MYO6: variants seen among roughly 807,000 people sequenced by gnomAD.
MYO6 encodes myosin VI, also known as unconventional myosin-VI.
In MYO6, 74 loss-of-function variants were observed where a neutral mutation model predicts 178.7. The ratio of observed to expected loss-of-function variants is 0.41; its 90% CI spans 0.34 to 0.50. The LOEUF (loss-of-function observed/expected upper bound fraction) is 0.50. Among genes scored for constraint, MYO6 ranks in the 20% least tolerant of loss-of-function variants. MYO6 has a pLI of 0.09. For missense variants in MYO6, 1,330 were observed against 1,547.4 expected, an observed-to-expected ratio of 0.86 and a Z score of 2.36; for synonymous variants, 477 against 504.6, an observed-to-expected ratio of 0.95 and a Z score of 0.73.
chr6:75,914,756 G>T, intron 34 of MYO6, 57 bp from the exon 35 acceptor site: 1 of 1,522,682 alleles, frequency 6.6e-7, no homozygotes, highest in East Asian at 2.3e-5. Context: ...GCATACAACT[G>T]GTAAGAAATG....
intron 1 of MYO6, among the ~76,000 whole-genome samples, chr6:75,811,174 G>C (rs1770670048): frequency 6.6e-6 from 1 of 152,056 alleles, no homozygotes; most frequent in South Asian, 2.1e-4. Flanking sequence ...GTTGGTGTGA[G>C]GAAATCTCTC....
chr6:75,810,940 G>A (rs563995101), intron 1 of MYO6, among the ~76,000 whole-genome samples: 201 of 152,298 alleles, frequency 1.3e-3, no homozygotes, highest in African/African-American at 4.6e-3. Flanking sequence ...CCAGGAGTTC[G>A]AGGCTGCAGT....
At chr6:75,880,710 A>G (rs1425521799) in intron 22 of MYO6, among the ~76,000 whole-genome samples, 1 of 152,012 alleles carries the variant, frequency 6.6e-6, no homozygotes, top group East Asian at 1.9e-4. Flanking sequence ...GCTTAAGACA[A>G]AGATTTAAAT....
chr6:75,871,690 A>G (rs1397025035), intron 19 of MYO6, among the ~76,000 whole-genome samples: 1 of 152,214 alleles, frequency 6.6e-6, no homozygotes, highest in Non-Finnish European at 1.5e-5. Context: ...GGCTGCAAAT[A>G]TCTATCTCTT....
chr6:75,901,997 C>G (rs1213779345), intron 30 of MYO6, among the ~76,000 whole-genome samples: 1 of 152,050 alleles, frequency 6.6e-6, no homozygotes, highest in African/African-American at 2.4e-5. Flanking sequence ...TGGTTTTTGT[C>G]TTTGGTTCTG....
chr6:75,793,329 G>A (rs1421607676), intron 1 of MYO6, among the ~76,000 whole-genome samples: 1 of 152,184 alleles, frequency 6.6e-6, no homozygotes, highest in Non-Finnish European at 1.5e-5. Flanking sequence ...AATGGGCTGA[G>A]TGTGGTGGCT....
chr6:75,891,578 G>A (rs1778908645), intron 27 of MYO6, among the ~76,000 whole-genome samples: 2 of 152,022 alleles, frequency 1.3e-5, no homozygotes, highest in Admixed American at 1.3e-4. Context: ...CTTGCAGTGA[G>A]CCAAGATGAC....
At chr6:75,765,055 A>G (rs1778288630) in intron 1 of MYO6, among the ~76,000 whole-genome samples, 1 of 151,832 alleles carries the variant, frequency 6.6e-6, no homozygotes, top group Admixed American at 6.6e-5. Context: ...CCACTGGCAG[A>G]ACTGAAAGTT....
rs763798982 is a variant in MYO6 at position 75,881,725 on chromosome 6, G to A, written c.2323G>A (p.Asp775Asn). ...EFDQIMKSDP[D>N]HLAELVKRVN... is the part of the protein sequence containing the mutation. The stretch of plus-strand genomic sequence containing the variant: ...TGATCAGATCATGAAGTCTGACCCT[G>A]ACCACTTAGCAGAGTTGGTTAAAAG... Residue 775 changes from aspartate to asparagine, a missense_variant, in exon 23 of 35, where the codon GAC (aspartate) becomes AAC (asparagine). Asp to Asn is a conservative substitution (Grantham distance 23). Around this residue, in one of 3 missense-constraint regions of MYO6, gnomAD observed 613 missense variants for 816.8 expected, o/e 0.75. Coordinates refer to ENST00000369977, the MANE Select transcript of MYO6 (RefSeq NM_004999.4). 2 of 1,613,944 alleles carry A rather than the reference G, an allele frequency of 1.2e-6. No individual in the cohort carries two copies. Among genetic ancestry groups the A allele is most frequent in the Middle Eastern group, 1.7e-4 (1 of 6,058 alleles).
intron 16 of MYO6, among the ~76,000 whole-genome samples, chr6:75,865,864 T>C (rs532450798): frequency 6.6e-6 from 1 of 152,158 alleles, no homozygotes; most frequent in Non-Finnish European, 1.5e-5. Flanking sequence ...GGTAGGAGAG[T>C]CCCTTTGCTG....
chr6:75,756,892 T>C (rs1353790493), intron 1 of MYO6, among the ~76,000 whole-genome samples: 1 of 55,536 alleles, frequency 1.8e-5, no homozygotes, highest in Non-Finnish European at 5.9e-5. Flanking sequence ...GTGTTGTGTG[T>C]GTATATATAT....
intron 1 of MYO6, among the ~76,000 whole-genome samples, chr6:75,813,450 G>C (rs1375981812): frequency 6.6e-6 from 1 of 152,162 alleles, no homozygotes; most frequent in Non-Finnish European, 1.5e-5. Context: ...TTGGCCCAGG[G>C]CACATCCAGA....
intron 16 of MYO6, among the ~76,000 whole-genome samples, chr6:75,865,932 G>A (rs1342404233): frequency 2.6e-5 from 4 of 152,076 alleles, no homozygotes; most frequent in Non-Finnish European, 5.9e-5. Context: ...AAATGGTATG[G>A]GCTTTGGGAT....
At chr6:75,893,996 C>T (rs752389404) in intron 28 of MYO6, among the ~76,000 whole-genome samples, 7 of 152,168 alleles carry the variant, frequency 4.6e-5, no homozygotes, top group Non-Finnish European at 7.3e-5. Context: ...GGCTCTTAAA[C>T]GAACCAAACT....
At chr6:75,900,508 G>GT (rs1048848760) in intron 30 of MYO6, among the ~76,000 whole-genome samples, 90 of 152,002 alleles carry the variant, frequency 5.9e-4, no homozygotes, top group African/African-American at 7.7e-4. Flanking sequence ...ATTTTTTCAT[G>GT]TTTTTTTTGG....
intron 4 of MYO6, among the ~76,000 whole-genome samples, chr6:75,829,761 C>T (rs1583211407): frequency 6.6e-6 from 1 of 152,032 alleles, no homozygotes; most frequent in Non-Finnish European, 1.5e-5. Context: ...CTAATATGTG[C>T]TAAATTCCAA....
At chr6:75,845,455 G>A (rs1774638096) in intron 10 of MYO6, among the ~76,000 whole-genome samples, 1 of 152,166 alleles carries the variant, frequency 6.6e-6, no homozygotes. Flanking sequence ...CACTTTGGGA[G>A]GCCAAGGCGG....
intron 20 of MYO6, among the ~76,000 whole-genome samples, chr6:75,873,881 C>T (rs1245136287): frequency 6.6e-6 from 1 of 152,156 alleles, no homozygotes; most frequent in East Asian, 1.9e-4. Context: ...CTACCCCTCA[C>T]CCTGCCATGT....
intron 30 of MYO6, among the ~76,000 whole-genome samples, chr6:75,906,465 CAGG>C (rs1780332335): frequency 6.6e-6 from 1 of 152,114 alleles, no homozygotes; most frequent in Non-Finnish European, 1.5e-5. Context: ...CACTTGAGCT[CAGG>C]AGTTCGAGAC....
Sources: allele counts gnomAD v4.1 joint callset (sites outside exome capture counted in the v4.1 genomes callset), GRCh38; gene constraint gnomAD v4.1.1; regional missense constraint gnomAD v4.1.1; transcripts MANE v1.5; gene names NCBI Gene and HGNC (gene_info 2026-07-23, HGNC 2026-07-21).